GRM7: variants seen among roughly 807,000 people sequenced by gnomAD.
GRM7 encodes the protein glutamate metabotropic receptor 7, also known as metabotropic glutamate receptor 7.
Under a neutral mutation model 84.5 loss-of-function variants are expected in GRM7, and 35 were observed. The observed-to-expected ratio is 0.41, with a 90% CI of 0.32 to 0.55. The LOEUF is 0.55. Ranked by LOEUF, GRM7 falls within the 20% of genes least tolerant of loss-of-function variation. The probability of loss-of-function intolerance (pLI) is 0.19; values close to 1 mark genes in which losing one functional copy is unlikely to be tolerated. For missense variants in GRM7, 1,003 were observed against 1,194.6 expected, an observed-to-expected ratio of 0.84 and a Z score of 2.36; for synonymous variants, 487 against 455.1, an observed-to-expected ratio of 1.07 and a Z score of -0.89.
At chr3:7,027,574 C>T (rs1441831044) in intron 1 of GRM7, among the ~76,000 whole-genome samples, 1 of 152,008 alleles carries the variant, frequency 6.6e-6, no homozygotes, top group East Asian at 1.9e-4. Flanking sequence ...TTACTGATTG[C>T]TTTTGCCTCT....
intron 4 of GRM7, among the ~76,000 whole-genome samples, chr3:7,381,044 C>G (rs969267216): frequency 6.6e-6 from 1 of 152,096 alleles, no homozygotes; most frequent in Non-Finnish European, 1.5e-5. Flanking sequence ...AATTTGGAAG[C>G]AGAAGAAATT....
At chr3:7,515,211 C>CAAA (rs35576148) in intron 7 of GRM7, among the ~76,000 whole-genome samples, 2 of 128,806 alleles carry the variant, frequency 1.6e-5, no homozygotes, top group African/African-American at 2.9e-5. Context: ...TGTAGAAGGA[C>CAAA]AAAAAAAAAA....
intron 4 of GRM7, among the ~76,000 whole-genome samples, chr3:7,399,933 G>A (rs911932634): frequency 2.0e-5 from 3 of 152,070 alleles, no homozygotes; most frequent in Non-Finnish European, 4.4e-5. Flanking sequence ...CGCAGCCTCA[G>A]GTATTCCTTT....
chr3:7,385,803 A>T (rs190366858), intron 4 of GRM7, among the ~76,000 whole-genome samples: 1 of 152,354 alleles, frequency 6.6e-6, no homozygotes, highest in East Asian at 1.9e-4. Flanking sequence ...CAGAAGCCAA[A>T]TATTAACAGT....
At chr3:7,533,002 C>T (rs1398020714) in intron 7 of GRM7, among the ~76,000 whole-genome samples, 1 of 151,886 alleles carries the variant, frequency 6.6e-6, no homozygotes, top group East Asian at 1.9e-4. Flanking sequence ...TCATAAAGCA[C>T]GTTCTTAGAG....
At chr3:6,875,221 C>T (rs559701590) in intron 1 of GRM7, among the ~76,000 whole-genome samples, 5 of 149,542 alleles carry the variant, frequency 3.3e-5, no homozygotes, top group Non-Finnish European at 7.5e-5. Flanking sequence ...CTTGGTTCTG[C>T]ACTTTTTTTT....
At chr3:7,303,230 G>A (rs528707677) in intron 3 of GRM7, among the ~76,000 whole-genome samples, 160 of 152,072 alleles carry the variant, frequency 1.1e-3, no homozygotes, top group African/African-American at 3.7e-3. Context: ...GTGAGCCACC[G>A]TGCCCAGCTG....
intron 1 of GRM7, among the ~76,000 whole-genome samples, chr3:7,040,982 C>T (rs373923143): frequency 1.1e-4 from 17 of 150,678 alleles, no homozygotes; most frequent in African/African-American, 3.9e-4. Flanking sequence ...ACTCAAGAGG[C>T]TGAGGTGGGA....
chr3:7,481,316 G>A (rs1699119620), intron 7 of GRM7, among the ~76,000 whole-genome samples: 1 of 152,022 alleles, frequency 6.6e-6, no homozygotes, highest in South Asian at 2.1e-4. Flanking sequence ...GTGCTCAAGT[G>A]GGCTCTTGAA....
At chr3:7,015,197 T>C (rs1447117514) in intron 1 of GRM7, among the ~76,000 whole-genome samples, 3 of 151,890 alleles carry the variant, frequency 2.0e-5, no homozygotes, top group South Asian at 4.2e-4. Context: ...GGAAGCTTTG[T>C]TCTTTCACAA....
intron 7 of GRM7, among the ~76,000 whole-genome samples, chr3:7,521,670 C>G (rs1286372013): frequency 6.6e-6 from 1 of 152,158 alleles, no homozygotes; most frequent in Non-Finnish European, 1.5e-5. Context: ...ACATGACATA[C>G]TGGAGATGTA....
chr3:7,231,358 A>C (rs1356045139), intron 2 of GRM7, among the ~76,000 whole-genome samples: 1 of 152,214 alleles, frequency 6.6e-6, no homozygotes, highest in African/African-American at 2.4e-5. Flanking sequence ...TGTTTCTTTG[A>C]AATTTAATCA....
intron 9 of GRM7, chr3:7,690,943 C>T (rs1410271061): frequency 3.3e-6 from 1 of 305,968 alleles, no homozygotes; most frequent in African/African-American, 2.2e-5. Context: ...ATCTTTCTTT[C>T]CCCCAATCAT....
chr3:7,127,039 A>G (rs555887580), intron 1 of GRM7, among the ~76,000 whole-genome samples: 26 of 152,360 alleles, frequency 1.7e-4, no homozygotes, highest in South Asian at 1.5e-3. Context: ...GCTCTTGACT[A>G]GTAGCTGAAA....
chr3:7,275,655 C>T (rs1324714125), intron 2 of GRM7, among the ~76,000 whole-genome samples: 3 of 152,046 alleles, frequency 2.0e-5, no homozygotes, highest in East Asian at 1.9e-4. Flanking sequence ...AATAAAACCC[C>T]GGCAAGTTAG....
At chr3:7,427,411 G>A (rs1007734219) in intron 5 of GRM7, among the ~76,000 whole-genome samples, 1 of 152,096 alleles carries the variant, frequency 6.6e-6, no homozygotes, top group Non-Finnish European at 1.5e-5. Context: ...TTGCATAAAG[G>A]GTTAAAACCC....
At chr3:7,679,908 TG>T in intron 8 of GRM7, 140 bp from the exon 9 acceptor site, 1 of 700,512 alleles carries the variant, frequency 1.4e-6, no homozygotes, top group East Asian at 2.6e-5. Context: ...GCAGAGTTAT[TG>T]TGCTTTCCTT....
At chr3:7,699,555 T>C (rs1463095581) in intron 9 of GRM7, among the ~76,000 whole-genome samples, 1 of 152,214 alleles carries the variant, frequency 6.6e-6, no homozygotes, top group African/African-American at 2.4e-5. Context: ...TGCACCTCTG[T>C]TGGTGAGTAG....
At chr3:7,711,898 A>T (rs1701593513) in intron 9 of GRM7, among the ~76,000 whole-genome samples, 1 of 152,222 alleles carries the variant, frequency 6.6e-6, no homozygotes, top group Admixed American at 6.5e-5. Context: ...TACCCACTTG[A>T]GCTACACTGT....
Sources: gnomAD v4.1 joint callset for allele counts (sites outside exome capture counted in the v4.1 genomes callset) on GRCh38, gnomAD v4.1.1 for gene constraint, MANE v1.5 for transcripts, NCBI Gene and HGNC (gene_info 2026-07-23, HGNC 2026-07-21) for gene names.